COIL: variants seen among roughly 807,000 people sequenced by gnomAD.
COIL encodes coilin p80.
Under a neutral mutation model 51.6 loss-of-function variants are expected in COIL, and 28 were observed. That is an observed-to-expected ratio of 0.54 (90% CI 0.40 to 0.74). The LOEUF (loss-of-function observed/expected upper bound fraction) is 0.74. Ranked by LOEUF, COIL falls within the 30% of genes least tolerant of loss-of-function variation. The pLI, the probability that COIL is intolerant of heterozygous loss-of-function variation, is 0.00. For synonymous variants in COIL, 233 were observed against 255.8 expected (o/e 0.91, Z 0.85); for missense variants, 667 against 685.9 (o/e 0.97, Z 0.31).
At chr17:56,944,468 T>C (rs1230570271) in intron 5 of COIL, among the ~76,000 whole-genome samples, 1 of 151,558 alleles carries the variant, frequency 6.6e-6, no homozygotes, top group Non-Finnish European at 1.5e-5. Flanking sequence ...GGCGGGTGCC[T>C]GTAGTCCCAG....
intron 5 of COIL, among the ~76,000 whole-genome samples, chr17:56,942,717 TGTTGGCCAG>T (rs1910171237): frequency 6.6e-6 from 1 of 152,142 alleles, no homozygotes; most frequent in South Asian, 2.1e-4. Flanking sequence ...GGTTTCACCA[TGTTGGCCAG>T]GTTGGTCTCA....
chr17:56,953,176 TC>T (rs1258209474), intron 1 of COIL, among the ~76,000 whole-genome samples: 1 of 151,028 alleles, frequency 6.6e-6, no homozygotes. Flanking sequence ...CTTTGGGAGG[TC>T]AAGGTGGGTG....
intron 6 of COIL, among the ~76,000 whole-genome samples, chr17:56,940,508 CA>C (rs898727446): frequency 6.6e-6 from 1 of 151,444 alleles, no homozygotes; most frequent in Non-Finnish European, 1.5e-5. Context: ...CAATTTCAAC[CA>C]AAAAAAACTA....
intron 1 of COIL, among the ~76,000 whole-genome samples, 193 bp from the exon 2 acceptor site, chr17:56,951,189 T>G (rs1168414780): frequency 6.6e-6 from 1 of 152,230 alleles, no homozygotes; most frequent in Non-Finnish European, 1.5e-5. Context: ...AACTTTCAAA[T>G]GGCTAGTTTT....
intron 1 of COIL, chr17:56,951,514 T>C (rs1910369236): frequency 6.5e-6 from 1 of 153,226 alleles, no homozygotes; most frequent in Admixed American, 6.5e-5. Flanking sequence ...TTTAGGTGAA[T>C]ACTAAACAAT....
At chr17:56,949,270 T>C (rs1910308956) in intron 4 of COIL, 117 bp downstream of exon 4, 1 of 741,552 alleles carries the variant, frequency 1.3e-6, no homozygotes, top group Non-Finnish European at 2.1e-6. Flanking sequence ...CATTTTCTAC[T>C]TTCTGGCATT....
chr17:56,943,327 T>G (rs923196179), intron 5 of COIL, among the ~76,000 whole-genome samples: 7 of 152,246 alleles, frequency 4.6e-5, no homozygotes, highest in African/African-American at 1.7e-4. Context: ...TTCATCCTTT[T>G]TGCCACAACC....
At chr17:56,953,188 G>A (rs1490040856) in intron 1 of COIL, among the ~76,000 whole-genome samples, 1 of 151,812 alleles carries the variant, frequency 6.6e-6, no homozygotes, top group Non-Finnish European at 1.5e-5. Context: ...AAGGTGGGTG[G>A]ATCACAAGGT....
At position 56,946,445 on chromosome 17, in the gene COIL, G is replaced by GT. The variant is rs761261336; in HGVS notation, c.1554dup (p.Pro519ThrfsTer10). On this transcript the variant is annotated frameshift_variant, in exon 5 of 7. Coordinates refer to ENST00000240316, the MANE Select transcript of COIL (RefSeq NM_004645.3). LOFTEE classifies it high-confidence loss of function. Reference sequence around the variant, plus strand: ...AATTATTTTCTAAAAGACTCACCAGGTAAGGATGAAAGAATTTCTATATCT... The same window carrying GT: ...AATTATTTTCTAAAAGACTCACCAGGTTAAGGATGAAAGAATTTCTATATCT... 6.3e-7 allele frequency: 1 copy of GT among 1,599,242 alleles called. No homozygotes were observed. Among genetic ancestry groups the GT allele is most frequent in the South Asian group, 1.1e-5 (1 of 90,444 alleles).
chr17:56,946,403 T>C (rs777474421), intron 5 of COIL, 39 bp downstream of exon 5: 1 of 1,377,890 alleles, frequency 7.3e-7, no homozygotes. Flanking sequence ...CCACTGTAGA[T>C]AGAGCCTACA....
intron 6 of COIL, among the ~76,000 whole-genome samples, chr17:56,941,642 T>C (rs1779466322): frequency 6.6e-6 from 1 of 152,186 alleles, no homozygotes; most frequent in South Asian, 2.1e-4. Flanking sequence ...TAGAGGCTTC[T>C]GGGAGTGGGT....
intron 4 of COIL, among the ~76,000 whole-genome samples, chr17:56,947,138 T>C (rs76728604): frequency 0.024 from 3,649 of 152,208 alleles, 154 homozygotes; most frequent in African/African-American, 0.084. Flanking sequence ...GGGTATATAC[T>C]GAGAGGCCAA....
intron 1 of COIL, among the ~76,000 whole-genome samples, chr17:56,960,486 T>C (rs1362719232): frequency 4.0e-5 from 6 of 151,138 alleles, no homozygotes; most frequent in Non-Finnish European, 5.9e-5. Context: ...ATCGCGCCAC[T>C]GTACTCCAGC....
intron 5 of COIL, among the ~76,000 whole-genome samples, chr17:56,945,868 A>G (rs539415344): frequency 1.3e-5 from 2 of 152,216 alleles, no homozygotes; most frequent in Non-Finnish European, 2.9e-5. Flanking sequence ...GGCGTGTGCC[A>G]TGACGCCCGG....
In COIL at chr17:56,950,323, C is replaced by T. The variant is rs181585875; in HGVS notation, c.919G>A (p.Gly307Ser). Residue 307 changes from glycine to serine, a missense_variant, in exon 2 of 7, where the codon GGC becomes AGC. Physicochemically the swap from Gly to Ser is moderately conservative, Grantham distance 56. Transcript: ENST00000240316. Reference sequence around the variant, plus strand: ...GAAGATGTTGTTCCAGAGGTCTTGCCCTTGCTGGGGGTAAGGCTAAAGCCA... The same window carrying T: ...GAAGATGTTGTTCCAGAGGTCTTGCTCTTGCTGGGGGTAAGGCTAAAGCCA... Reference protein sequence around the residue: ...KLGFSLTPSKGKTSGTTSSSS... With the variant: ...KLGFSLTPSKSKTSGTTSSSS... The T allele has an allele frequency of 9.3e-6, 15 of 1,614,178 alleles. No homozygotes were observed. Among genetic ancestry groups the T allele is most frequent in the Non-Finnish European group, 1.1e-5 (13 of 1,180,028 alleles).
At chr17:56,953,344 G>C (rs1198600971) in intron 1 of COIL, among the ~76,000 whole-genome samples, 1 of 148,476 alleles carries the variant, frequency 6.7e-6, no homozygotes, top group African/African-American at 2.5e-5. Flanking sequence ...CTGGGAGGTG[G>C]AGCTTGCAGT....
At chr17:56,959,241 G>A (rs1460617103) in intron 1 of COIL, among the ~76,000 whole-genome samples, 5 of 152,124 alleles carry the variant, frequency 3.3e-5, no homozygotes, top group African/African-American at 4.8e-5. Context: ...CTACTCGGGA[G>A]GCTGAGGTGG....
rs551286966 is a variant in COIL at position 56,942,012 on chromosome 17, C to T, written c.1647+23G>A. 411 of 1,592,040 alleles carry T rather than the reference C, an allele frequency of 2.6e-4. 6 individuals carry two copies. In the South Asian group the frequency reaches 4.3e-3, roughly 16 times the overall value. ...CAAGAGAGAACGAATGGCCAAGCAA[C>T]GCAAGAAGAGAAGCACACCTACCTT... On this transcript the variant is annotated intron_variant, in intron 6 of 6. Coordinates refer to ENST00000240316, the MANE Select transcript of COIL (RefSeq NM_004645.3).
chr17:56,950,158 C>A lies in COIL; in HGVS notation c.1084G>T (p.Ala362Ser). 1 of 1,614,180 alleles carries A rather than the reference C, an allele frequency of 6.2e-7. No homozygotes were observed. Residue 362 changes from alanine to serine, a missense_variant, in exon 2 of 7, where the codon GCA (alanine) becomes TCA (serine). By Grantham distance (99) the Ala-to-Ser change is moderately conservative. Transcript: ENST00000240316. ...GAACGCCTCCATCCAGCAGCACCTGCAGTCTGTGATGACAGCCCTGGGCCT... is the reference window on the plus strand; with the variant it reads ...GAACGCCTCCATCCAGCAGCACCTGAAGTCTGTGATGACAGCCCTGGGCCT... ...RPGPGLSSQT[A>S]GAAGWRRSGS...
Sources: allele counts gnomAD v4.1 joint callset (sites outside exome capture counted in the v4.1 genomes callset), GRCh38; gene constraint gnomAD v4.1.1; transcripts MANE v1.5; gene names NCBI Gene and HGNC (gene_info 2026-07-23, HGNC 2026-07-21).